ENAH: variants seen among roughly 807,000 people sequenced by gnomAD.
ENAH encodes protein enabled homolog.
ENAH carries 23 observed loss-of-function variants against 78.7 expected under a neutral mutation model. The observed-to-expected ratio is 0.29, with a 90% CI of 0.21 to 0.41. The LOEUF (loss-of-function observed/expected upper bound fraction) is 0.41, where lower values mean the gene tolerates loss of function less well. Ranked by LOEUF, ENAH falls within the 10% of genes least tolerant of loss-of-function variation. ENAH has a pLI of 1.00. For missense variants in ENAH, 544 were observed against 691.0 expected (o/e 0.79, Z 2.39); for synonymous variants, 226 against 241.0 (o/e 0.94, Z 0.58).
chr1:225,562,115 G>A (rs576654424), intron 2 of ENAH, among the ~76,000 whole-genome samples: 1 of 151,996 alleles, frequency 6.6e-6, no homozygotes, highest in Non-Finnish European at 1.5e-5. Flanking sequence ...TAGAGACTGG[G>A]TTTCACCATG....
At chr1:225,587,492 A>G (rs1317960052) in intron 1 of ENAH, among the ~76,000 whole-genome samples, 1 of 152,206 alleles carries the variant, frequency 6.6e-6, no homozygotes, top group African/African-American at 2.4e-5. Flanking sequence ...ACTAAAAAAC[A>G]CTGGTAAGAG....
chr1:225,491,729 C>T lies in ENAH; in HGVS notation c.*6046G>A, dbSNP rs1386745156. ...CAATCTAAACACTAGCCAATGTAGA[C>T]TTTTTCTTCTGAGTGCTTTTTCCTA... is the stretch of plus-strand genomic sequence containing the variant. On this transcript the variant is annotated 3_prime_UTR_variant, in exon 14 of 14. Coordinates refer to ENST00000366843, the MANE Select transcript of ENAH (RefSeq NM_018212.6). The T allele has an allele frequency of 6.6e-6, 1 of 152,142 alleles. No individual in the cohort carries two copies. The highest frequency in any genetic ancestry group is 1.5e-5 in the Non-Finnish European group (1 of 68,014). The allele number at this position is 152,142 out of a possible 1,614,324, so 9.4% of individuals were successfully genotyped here. A position where few individuals can be genotyped will look rare whatever the true frequency, so the allele number is the denominator to read the frequency against.
chr1:225,589,870 C>T (rs563077127), intron 1 of ENAH, among the ~76,000 whole-genome samples: 2 of 152,140 alleles, frequency 1.3e-5, no homozygotes, highest in South Asian at 2.1e-4. Flanking sequence ...GAAAATTAAG[C>T]ATGTGTGCAC....
intron 2 of ENAH, among the ~76,000 whole-genome samples, chr1:225,555,692 G>C (rs2096663184): frequency 6.6e-6 from 1 of 152,052 alleles, no homozygotes; most frequent in South Asian, 2.1e-4. Context: ...CAACCTAAGA[G>C]TGTATCTCTC....
intron 3 of ENAH, among the ~76,000 whole-genome samples, chr1:225,544,328 GAT>G (rs2096603138): frequency 6.6e-6 from 1 of 152,186 alleles, no homozygotes. Context: ...AATAATCACA[GAT>G]GACATCCTCA....
intron 7 of ENAH, among the ~76,000 whole-genome samples, chr1:225,514,169 ATTTAT>A (rs753454008): frequency 4.0e-5 from 6 of 151,056 alleles, no homozygotes; most frequent in African/African-American, 1.2e-4. Context: ...TTTAATTTTT[ATTTAT>A]TTTATTTTTT....
intron 1 of ENAH, among the ~76,000 whole-genome samples, chr1:225,576,832 C>T (rs1343140468): frequency 6.6e-6 from 1 of 152,176 alleles, no homozygotes; most frequent in Non-Finnish European, 1.5e-5. Context: ...CTTTTCAGAG[C>T]TGTGAGAAAG....
At chr1:225,504,880 GA>G (rs200674053) in intron 11 of ENAH, 31 of 632,702 alleles carry the variant, frequency 4.9e-5, no homozygotes, top group South Asian at 2.0e-4. Context: ...TCAAAATAAA[GA>G]AAAAAAAATC....
At position 225,530,601 on chromosome 1, in the gene ENAH, A is replaced by T; in HGVS notation, c.387T>A (p.Ala129=). 6.2e-7 allele frequency: 1 copy of T among 1,613,640 alleles called. No individual in the cohort carries two copies. Among genetic ancestry groups the T allele is most frequent in the East Asian group, 2.2e-5 (1 of 44,836 alleles). ...CTTGGGATGGGCCATTTTGAACTTG[A>T]GCAGGTAGTTGTGAGTTTTGTCTAG... ...TLPRQNSQLP[A]QVQNGPSQEE... The change falls in exon 4 of 14, where the codon GCT becomes GCA. Residue 129 remains alanine, a synonymous_variant. Coordinates refer to ENST00000366843, the MANE Select transcript of ENAH (RefSeq NM_018212.6).
chr1:225,551,445 C>T (rs1024090953), intron 3 of ENAH, among the ~76,000 whole-genome samples: 2 of 151,728 alleles, frequency 1.3e-5, no homozygotes, highest in African/African-American at 4.8e-5. Flanking sequence ...GTAGGGGACA[C>T]GGAAGAAGAG....
At chr1:225,594,876 T>C (rs907368795) in intron 1 of ENAH, among the ~76,000 whole-genome samples, 3 of 152,232 alleles carry the variant, frequency 2.0e-5, no homozygotes, top group African/African-American at 7.2e-5. Flanking sequence ...CAATGAAGGT[T>C]AGAAACTACA....
intron 2 of ENAH, among the ~76,000 whole-genome samples, chr1:225,565,910 G>A (rs1301282430): frequency 6.6e-6 from 1 of 152,204 alleles, no homozygotes; most frequent in African/African-American, 2.4e-5. Flanking sequence ...GGGAGCCAGA[G>A]AGGGCAGAAA....
At chr1:225,517,460 G>A in intron 5 of ENAH, 154 bp from the exon 6 acceptor site, 1 of 1,551,708 alleles carries the variant, frequency 6.4e-7, no homozygotes, top group East Asian at 2.4e-5. Flanking sequence ...CCTGAGGTAG[G>A]CGGTGGAGAC....
chr1:225,540,016 A>G (rs2096581771), intron 3 of ENAH, among the ~76,000 whole-genome samples: 2 of 152,222 alleles, frequency 1.3e-5, no homozygotes, highest in African/African-American at 4.8e-5. Flanking sequence ...AGAGAAGTAT[A>G]AATATAAAAT....
intron 1 of ENAH, among the ~76,000 whole-genome samples, chr1:225,601,341 A>ACCCC (rs1184922822): frequency 1.3e-5 from 2 of 152,054 alleles, no homozygotes; most frequent in Non-Finnish European, 2.9e-5. Context: ...TAACAGTGAA[A>ACCCC]CCCCGTGTCT....
At chr1:225,650,392 T>C (rs1019145486) in intron 1 of ENAH, among the ~76,000 whole-genome samples, 2 of 152,222 alleles carry the variant, frequency 1.3e-5, no homozygotes. Flanking sequence ...AAACAGAAGT[T>C]ACTTTTTATT....
chr1:225,594,279 T>C (rs1461618906), intron 1 of ENAH, among the ~76,000 whole-genome samples: 1 of 152,192 alleles, frequency 6.6e-6, no homozygotes, highest in East Asian at 1.9e-4. Flanking sequence ...TTTGGGGAAA[T>C]TTCAATGAAA....
chr1:225,606,587 C>T (rs1472536550), intron 1 of ENAH, among the ~76,000 whole-genome samples: 2 of 151,920 alleles, frequency 1.3e-5, no homozygotes, highest in East Asian at 3.9e-4. Context: ...GCGGTTCACG[C>T]CTATAATTCT....
chr1:225,617,584 T>G (rs1656022889), intron 1 of ENAH, among the ~76,000 whole-genome samples: 1 of 152,180 alleles, frequency 6.6e-6, no homozygotes, highest in Non-Finnish European at 1.5e-5. Context: ...AAGTGGACAG[T>G]GTGGTGACAG....
Sources: allele counts gnomAD v4.1 joint callset (sites outside exome capture counted in the v4.1 genomes callset), GRCh38; gene constraint gnomAD v4.1.1; transcripts MANE v1.5; gene names NCBI Gene and HGNC (gene_info 2026-07-23, HGNC 2026-07-21).